KLHL8: variants seen among roughly 807,000 people sequenced by gnomAD.
KLHL8 encodes the protein kelch like family member 8, also known as kelch-like protein 8.
KLHL8 carries 38 observed loss-of-function variants against 63.5 expected under a neutral mutation model. The ratio of observed to expected loss-of-function variants is 0.60; its 90% confidence interval spans 0.46 to 0.78. KLHL8 has a LOEUF of 0.78. KLHL8 is among the 30% of genes least tolerant of loss of function. KLHL8 has a pLI of 0.00. For missense variants in KLHL8, 566 were observed against 752.4 expected (o/e 0.75, Z 2.90); for synonymous variants, 224 against 254.3 (o/e 0.88, Z 1.13).
intron 2 of KLHL8, among the ~76,000 whole-genome samples, chr4:87,193,414 A>G (rs1324064023): frequency 6.6e-6 from 1 of 152,218 alleles, no homozygotes; most frequent in Admixed American, 6.5e-5. Context: ...CATCTCCTAT[A>G]GTAACAATGC....
Position 87,193,735 on chromosome 4 carries a change from A to G in KLHL8, c.216+1589T>C, listed in dbSNP as rs139437141. 6.6e-5 allele frequency among the ~76,000 whole-genome samples: 10 copies of G among 152,334 alleles called. No individual in the cohort carries two copies. The East Asian group carries it at 1.9e-3, about 29-fold the overall frequency. Reference sequence around the variant, plus strand: ...ACACCAGCATCACCACAAGCATGTGAGTAAAGCACTGTGCTAGGACATTAT... The same window carrying G: ...ACACCAGCATCACCACAAGCATGTGGGTAAAGCACTGTGCTAGGACATTAT... On this transcript the variant is annotated intron_variant, in intron 2 of 9. Coordinates refer to ENST00000273963, the MANE Select transcript of KLHL8 (RefSeq NM_020803.5).
upstream of KLHL8, among the ~76,000 whole-genome samples, chr4:87,224,240 G>T (rs538510550): frequency 6.6e-6 from 1 of 152,028 alleles, no homozygotes; most frequent in African/African-American, 2.4e-5. Flanking sequence ...ATGAGCCACC[G>T]CGCCGGCCAA....
chr4:87,180,043 CCT>C (rs1318572823), intron 4 of KLHL8, among the ~76,000 whole-genome samples: 1 of 152,170 alleles, frequency 6.6e-6, no homozygotes, highest in Non-Finnish European at 1.5e-5. Flanking sequence ...GCAAAGGCTA[CCT>C]TACAAGGTAA....
At chr4:87,190,752 A>G (rs1301318392) in intron 2 of KLHL8, among the ~76,000 whole-genome samples, 1 of 152,220 alleles carries the variant, frequency 6.6e-6, no homozygotes, top group Admixed American at 6.5e-5. Context: ...TCTTGAGACT[A>G]GAAAGTTCAA....
Position 87,163,999 on chromosome 4 carries a change from G to C in KLHL8, c.1618C>G (p.Leu540Val). 1 of 1,614,184 alleles carries C rather than the reference G, an allele frequency of 6.2e-7. No homozygotes were observed. The highest frequency in any genetic ancestry group is 8.5e-7 in the Non-Finnish European group (1 of 1,180,004). The change falls in exon 9 of 10, where the codon CTT becomes GTT. Residue 540 changes from leucine to valine, a missense_variant. Coordinates refer to ENST00000273963, the MANE Select transcript of KLHL8 (RefSeq NM_020803.5). ...RSNKWDYVAALTTPRGGVGIA... is the reference protein window; with the variant it reads ...RSNKWDYVAAVTTPRGGVGIA... ...CCCACTCCACCTCTGGGAGTAGTAA[G>C]TGCTGCCACATAATCCCACTTGTTG...
chr4:87,215,079 G>A (rs890667704), intron 1 of KLHL8, among the ~76,000 whole-genome samples: 7 of 152,180 alleles, frequency 4.6e-5, no homozygotes, highest in Non-Finnish European at 8.8e-5. Flanking sequence ...AATTATAGGC[G>A]TGAGCCACCC....
intron 1 of KLHL8, among the ~76,000 whole-genome samples, chr4:87,206,527 CTT>C (rs949172233): frequency 3.9e-5 from 6 of 152,182 alleles, no homozygotes; most frequent in Admixed American, 3.9e-4. Flanking sequence ...TAAATATACT[CTT>C]GTTTAAGCAT....
chr4:87,178,373 T>C (rs1429310997), intron 5 of KLHL8, 104 bp downstream of exon 5: 1 of 1,210,268 alleles, frequency 8.3e-7, no homozygotes, highest in Non-Finnish European at 1.1e-6. Context: ...TTAAAAATAA[T>C]TTACAATTTA....
rs140379022 is a variant in KLHL8, at chr4:87,227,109, A to C, written n.58-5719T>G. Among the ~76,000 whole-genome samples, 926 of 147,618 alleles carry C rather than the reference A, an allele frequency of 6.3e-3. 6 individuals are homozygous for C. The highest frequency in any genetic ancestry group is 0.022 in the African/African-American group (875 of 39,694). On this transcript the variant is annotated intron_variant and non_coding_transcript_variant, in intron 1 of 1. Transcript: ENST00000506274. Reference sequence around the variant, plus strand: ...TATTTTTTGATATGAAAATAAATGCAACATGGCAGACCCTACTAGCTGCTT... The same window carrying C: ...TATTTTTTGATATGAAAATAAATGCCACATGGCAGACCCTACTAGCTGCTT...
intron 8 of KLHL8, among the ~76,000 whole-genome samples, chr4:87,169,287 A>G (rs1386799593): frequency 1.3e-5 from 2 of 152,210 alleles, no homozygotes; most frequent in Non-Finnish European, 2.9e-5. Flanking sequence ...CCTGGGTGAC[A>G]GAGCAAAACT....
chr4:87,199,189 A>T (rs1315724368), intron 1 of KLHL8, among the ~76,000 whole-genome samples: 1 of 152,214 alleles, frequency 6.6e-6, no homozygotes, highest in Non-Finnish European at 1.5e-5. Flanking sequence ...ACAACAAAAA[A>T]ACCCTAAAGA....
rs1730151778 is a variant in KLHL8 at position 87,161,123 on chromosome 4, A to T, written c.*2396T>A. ...CGATGGCTCAACCTCGGCTCATTGC[A>T]ACCTCCACCTCCTGGGTTCAAGCAA... On this transcript the variant is annotated 3_prime_UTR_variant, in exon 10 of 10. Coordinates refer to ENST00000273963, the MANE Select transcript of KLHL8 (RefSeq NM_020803.5). The T allele has an allele frequency of 7.0e-6, 1 of 142,766 alleles. No individual in the cohort carries two copies. The highest frequency in any genetic ancestry group is 1.5e-5 in the Non-Finnish European group (1 of 67,082). The allele number at this position is 142,766 out of a possible 1,614,324, so 8.8% of individuals were successfully genotyped here.
chr4:87,205,655 G>A (rs371385618), intron 1 of KLHL8, among the ~76,000 whole-genome samples: 33 of 152,164 alleles, frequency 2.2e-4, no homozygotes, highest in African/African-American at 7.7e-4. Flanking sequence ...GTAGAGATGG[G>A]GTTTTGCCAT....
rs1295664829 is a variant in KLHL8 at position 87,162,796 on chromosome 4, G to A, written c.*723C>T. The A allele has an allele frequency of 2.0e-5, 3 of 152,130 alleles. No individual in the cohort carries two copies. Among genetic ancestry groups the A allele is most frequent in the Admixed American group, 6.5e-5 (1 of 15,270 alleles). The allele number at this position is 152,130 out of a possible 1,614,324, so 9.4% of individuals were successfully genotyped here. ...TTCCTCTGGTTCACCTTTTGATTAT[G>A]TAACAAATACTTTTTGCAAAAGATG... is the stretch of plus-strand genomic sequence containing the variant. On this transcript the variant is annotated 3_prime_UTR_variant, in exon 10 of 10. Transcript: ENST00000273963.
At chr4:87,192,904 T>TG (rs1731547652) in intron 2 of KLHL8, among the ~76,000 whole-genome samples, 1 of 152,060 alleles carries the variant, frequency 6.6e-6, no homozygotes, top group African/African-American at 2.4e-5. Context: ...CAGTATAAGG[T>TG]ATTTTTTTTA....
At chr4:87,176,095 T>A (rs1363061073) in intron 6 of KLHL8, among the ~76,000 whole-genome samples, 1 of 152,222 alleles carries the variant, frequency 6.6e-6, no homozygotes, top group Non-Finnish European at 1.5e-5. Context: ...TACAGATTAA[T>A]TAATACTACT....
chr4:87,196,572 G>A (rs1030829508), intron 1 of KLHL8, among the ~76,000 whole-genome samples: 5 of 152,088 alleles, frequency 3.3e-5, no homozygotes, highest in Admixed American at 6.5e-5. Context: ...CCAAACATAC[G>A]AAATGCTGCA....
intron 4 of KLHL8, among the ~76,000 whole-genome samples, chr4:87,180,147 T>C (rs989304191): frequency 7.2e-5 from 11 of 152,354 alleles, no homozygotes; most frequent in African/African-American, 2.6e-4. Context: ...CAACTATGCA[T>C]ATAGTACACA....
At chr4:87,221,738 A>T (rs1470244628), upstream of KLHL8, among the ~76,000 whole-genome samples, 1 of 152,128 alleles carries the variant, frequency 6.6e-6, no homozygotes, top group Non-Finnish European at 1.5e-5. Flanking sequence ...CAACTATTTG[A>T]ATTTGAAATT....
Sources: allele counts gnomAD v4.1 joint callset (sites outside exome capture counted in the v4.1 genomes callset), GRCh38; gene constraint gnomAD v4.1.1; transcripts MANE v1.5; gene names NCBI Gene and HGNC (gene_info 2026-07-23, HGNC 2026-07-21).